The following UBR3 variants were observed in gnomAD, a reference collection of about 807,000 sequenced individuals.
UBR3 encodes ubiquitin protein ligase E3 component n-recognin 3, also known as E3 ubiquitin-protein ligase UBR3.
Under a neutral mutation model 243.2 loss-of-function variants are expected in UBR3, and 85 were observed. That is an observed-to-expected ratio of 0.35 (90% CI 0.29 to 0.42). UBR3 has a LOEUF of 0.42. UBR3 is among the 10% of genes least tolerant of loss of function. UBR3 has a pLI of 1.00. For synonymous variants in UBR3, 748 were observed against 799.8 expected (o/e 0.94, Z 1.09); for missense variants, 1,686 against 2,300.8 (o/e 0.73, Z 5.47).
In UBR3 at chr2:170,018,265, G is replaced by C. The variant is rs115921128; in HGVS notation, c.4453+2899G>C. Among the ~76,000 whole-genome samples the C allele has an allele frequency of 5.7e-3, 873 of 151,972 alleles. 7 individuals carry two copies. Among genetic ancestry groups the C allele is most frequent in the African/African-American group, 0.02 (824 of 41,486 alleles). ...GTTTGTTTGTTTTTGTTTTTGTTTT[G>C]AGCCATCTTTTCAGACATTTTTGCA... On this transcript the variant is annotated intron_variant, in intron 30 of 38. Coordinates refer to ENST00000272793, the MANE Select transcript of UBR3 (RefSeq NM_172070.4).
chr2:169,947,539 T>A lies in UBR3; in HGVS notation c.2911-3T>A. 2.1e-6 allele frequency: 3 copies of A among 1,452,232 alleles called. No individual in the cohort carries two copies. The highest frequency in any genetic ancestry group is 2.7e-6 in the Non-Finnish European group (3 of 1,099,484). 90.0% of individuals were successfully genotyped at this position (1,452,232 alleles called of 1,614,324 possible). On this transcript the variant is annotated splice_polypyrimidine_tract_variant and splice_region_variant and intron_variant, in intron 21 of 38. Coordinates refer to ENST00000272793, the MANE Select transcript of UBR3 (RefSeq NM_172070.4). ...TTGATATTCATTTTTTTTTTTATTT[T>A]AGGCATCAGTGGGTGGACCAGAACG...
Position 170,004,836 on chromosome 2 carries a change from G to A in UBR3, c.4030-2154G>A, listed in dbSNP as rs536660577. Among the ~76,000 whole-genome samples, 11 of 150,444 alleles carry A rather than the reference G, an allele frequency of 7.3e-5. No homozygotes were observed. In the South Asian group the frequency reaches 1.3e-3, roughly 18 times the overall value. On this transcript the variant is annotated intron_variant, in intron 27 of 38. Coordinates refer to ENST00000272793, the MANE Select transcript of UBR3 (RefSeq NM_172070.4). ...TGAGGCAGGAGAATTGCTTAAACCC[G>A]GGAGGTGGAGGTTGCAGTGAACTGA...
chr2:170,015,424 C>A, intron 30 of UBR3, 58 bp downstream of exon 30: 1 of 1,382,342 alleles, frequency 7.2e-7, no homozygotes, highest in Non-Finnish European at 1.0e-6. Flanking sequence ...GAAGCATTGA[C>A]AGGAAAAGTG....
At chr2:169,876,797 C>T (rs551566588) in intron 3 of UBR3, among the ~76,000 whole-genome samples, 5 of 152,224 alleles carry the variant, frequency 3.3e-5, no homozygotes, top group Non-Finnish European at 7.4e-5. Context: ...CTCCTGACCT[C>T]GGGTGATCTG....
intron 1 of UBR3, among the ~76,000 whole-genome samples, chr2:169,831,163 A>G: frequency 1.3e-5 from 1 of 78,924 alleles, no homozygotes; most frequent in Non-Finnish European, 2.3e-5. Flanking sequence ...TTTGAGAGAG[A>G]GAGTTTTGCT....
In UBR3 at chr2:169,875,955, T is replaced by G; in HGVS notation, c.844+6T>G. 6.7e-7 allele frequency: 1 copy of G among 1,490,768 alleles called. No individual in the cohort carries two copies. Among genetic ancestry groups the G allele is most frequent in the Non-Finnish European group, 8.9e-7 (1 of 1,123,216 alleles). The allele number at this position is 1,490,768 out of a possible 1,614,324, so 92.3% of individuals were successfully genotyped here. On this transcript the variant is annotated splice_donor_region_variant and intron_variant, in intron 3 of 38. Transcript: ENST00000272793. ...CTACAAAGATCTGACTTCTGGTGAG[T>G]AAAATGTTAGAAGAAATTTATAGTT...
At chr2:169,923,514 T>A (rs1218931416) in intron 11 of UBR3, among the ~76,000 whole-genome samples, 2 of 135,624 alleles carry the variant, frequency 1.5e-5, no homozygotes, top group East Asian at 4.3e-4. Context: ...ACATAGGAAG[T>A]GTTCAATGAA....
At chr2:169,943,854 A>G (rs1215200261) in intron 20 of UBR3, among the ~76,000 whole-genome samples, 2 of 152,056 alleles carry the variant, frequency 1.3e-5, no homozygotes, top group African/African-American at 4.8e-5. Flanking sequence ...GTTAGGTAGG[A>G]ATTTTATTTT....
In UBR3 at chr2:169,895,206, G is replaced by A; in HGVS notation, c.1131G>A (p.Lys377=). The change falls in exon 7 of 39, where the codon AAG becomes AAA. Residue 377 remains lysine (K), a synonymous_variant. Transcript: ENST00000272793. ...TKDQSIMDVL[K]HKSFLEELLF... is the part of the protein sequence containing the mutation. Reference sequence around the variant, plus strand: ...ATCAATCCATAATGGATGTTTTGAAGCATAAAAGCTTCCTAGAAGAACTAT... The same window carrying A: ...ATCAATCCATAATGGATGTTTTGAAACATAAAAGCTTCCTAGAAGAACTAT... 2 of 1,530,888 alleles carry A rather than the reference G, an allele frequency of 1.3e-6. No individual in the cohort carries two copies. Among genetic ancestry groups the A allele is most frequent in the Non-Finnish European group, 1.8e-6 (2 of 1,141,892 alleles). 94.8% of individuals were successfully genotyped at this position (1,530,888 alleles called of 1,614,324 possible). A position where few individuals can be genotyped will look rare whatever the true frequency, so the allele number is the denominator to read the frequency against.
intron 31 of UBR3, among the ~76,000 whole-genome samples, chr2:170,033,538 A>C (rs1195913254): frequency 6.9e-6 from 1 of 144,078 alleles, no homozygotes; most frequent in Non-Finnish European, 1.5e-5. Flanking sequence ...CTAGTACTAG[A>C]TCTTAGGAAT....
At chr2:169,956,963 T>A (rs2087328832) in intron 23 of UBR3, among the ~76,000 whole-genome samples, 1 of 152,220 alleles carries the variant, frequency 6.6e-6, no homozygotes. Flanking sequence ...CTCTGTCCAT[T>A]ATGTTCTCAT....
chr2:169,964,671 A>C, intron 24 of UBR3: 1 of 366,960 alleles, frequency 2.7e-6, no homozygotes, highest in Non-Finnish European at 5.5e-6. Context: ...ATTGCTGAGG[A>C]GAGTGGGAGA....
chr2:169,857,064 G>GTTTTTTGT lies in UBR3; in HGVS notation c.546-15166_546-15165insGTTTTTTT, dbSNP rs2082902628. ...ATGATTTCCAGCATAATTTTATTAT[G>GTTTTTTGT]TTTTTTTTTTTTTTTTTTTTTTTTT... On this transcript the variant is annotated intron_variant, in intron 1 of 38. Coordinates refer to ENST00000272793, the MANE Select transcript of UBR3 (RefSeq NM_172070.4). Among the ~76,000 whole-genome samples the GTTTTTTGT allele has an allele frequency of 2.0e-4, 11 of 56,092 alleles. 1 individual carries two copies. The South Asian group carries it at 2.8e-3, about 14-fold the overall frequency. 36.8% of individuals were successfully genotyped at this position (56,092 alleles called of 152,430 possible). A position where few individuals can be genotyped will look rare whatever the true frequency, so the allele number is the denominator to read the frequency against.
intron 1 of UBR3, among the ~76,000 whole-genome samples, chr2:169,868,144 A>C (rs1663034907): frequency 6.6e-6 from 1 of 152,114 alleles, no homozygotes; most frequent in Non-Finnish European, 1.5e-5. Context: ...ATCTATCCAC[A>C]TTCTTTTTCA....
At chr2:170,020,855 T>C (rs1310647457) in intron 30 of UBR3, among the ~76,000 whole-genome samples, 1 of 152,220 alleles carries the variant, frequency 6.6e-6, no homozygotes, top group Non-Finnish European at 1.5e-5. Context: ...AAATAGAGGC[T>C]GTCAGTGAAA....
intron 2 of UBR3, among the ~76,000 whole-genome samples, chr2:169,875,551 C>T (rs973825078): frequency 2.6e-5 from 4 of 152,178 alleles, no homozygotes; most frequent in African/African-American, 9.6e-5. Context: ...CTTAGGAGGT[C>T]ATCTGTGTTT....
chr2:169,849,941 G>C (rs1406027292), intron 1 of UBR3, among the ~76,000 whole-genome samples: 1 of 152,172 alleles, frequency 6.6e-6, no homozygotes, highest in Non-Finnish European at 1.5e-5. Context: ...GGGAGATCTA[G>C]TTGATGACTG....
rs146429037 is a variant in UBR3, at chr2:169,863,658, G to A, written c.546-8578G>A. Among the ~76,000 whole-genome samples, 1,250 of 152,256 alleles carry A rather than the reference G, an allele frequency of 8.2e-3. 16 individuals carry two copies. The highest frequency in any genetic ancestry group is 0.025 in the African/African-American group (1,050 of 41,554). ...TCTCTTGTTCACTTGGGGAGAGATT[G>A]TTAATACATGTTTATATGCAGTTTC... On this transcript the variant is annotated intron_variant, in intron 1 of 38. Transcript: ENST00000272793.
rs749828158 is a variant in UBR3, at chr2:170,029,378, C to T, written c.4486C>T (p.Arg1496Trp). ...QLFHVLALHM[R>W]LYSIDSEYNP... Reference sequence around the variant, plus strand: ...GTTTCATGTATTAGCCTTGCACATGCGGCTTTATAGCATTGACTCTGAGTA... The same window carrying T: ...GTTTCATGTATTAGCCTTGCACATGTGGCTTTATAGCATTGACTCTGAGTA... The change falls in exon 31 of 39, where the codon CGG becomes TGG. Residue 1496 changes from arginine (R) to tryptophan (W), a missense_variant. Around this residue, in one of 8 missense-constraint regions of UBR3, gnomAD observed 371 missense variants for 422.5 expected, o/e 0.88. Coordinates refer to ENST00000272793, the MANE Select transcript of UBR3 (RefSeq NM_172070.4). 7 of 1,610,778 alleles carry T rather than the reference C, an allele frequency of 4.3e-6. No individual in the cohort carries two copies. The highest frequency in any genetic ancestry group is 5.1e-6 in the Non-Finnish European group (6 of 1,178,328).
Sources: gnomAD v4.1 joint callset for allele counts (sites outside exome capture counted in the v4.1 genomes callset) on GRCh38, gnomAD v4.1.1 for gene constraint, gnomAD v4.1.1 regional missense constraint, MANE v1.5 for transcripts, NCBI Gene and HGNC (gene_info 2026-07-23, HGNC 2026-07-21) for gene names.